Variants in CNTNAP2 observed in about 807,000 individuals in gnomAD.
CNTNAP2 encodes the protein contactin associated protein 2.
In CNTNAP2, 98 loss-of-function variants were observed where a neutral mutation model predicts 155.2. The observed-to-expected ratio is 0.63, with a 90% CI of 0.54 to 0.75. The LOEUF (loss-of-function observed/expected upper bound fraction) is 0.75. Among genes scored for constraint, CNTNAP2 ranks in the 30% least tolerant of loss-of-function variants. CNTNAP2 has a pLI of 0.00. For missense variants in CNTNAP2, 1,727 were observed against 1,688.1 expected (o/e 1.02, Z -0.40); for synonymous variants, 651 against 631.2 (o/e 1.03, Z -0.47).
At chr7:147,590,403 G>A (rs1800715194) in intron 12 of CNTNAP2, among the ~76,000 whole-genome samples, 1 of 152,090 alleles carries the variant, frequency 6.6e-6, no homozygotes, top group African/African-American at 2.4e-5. Context: ...GTGACAGTGA[G>A]TTCTCACAAG....
chr7:146,167,639 A>G (rs1306938157), intron 1 of CNTNAP2, among the ~76,000 whole-genome samples: 1 of 152,224 alleles, frequency 6.6e-6, no homozygotes, highest in Non-Finnish European at 1.5e-5. Flanking sequence ...TCAAAGATAC[A>G]AGGAATACTT....
At chr7:146,536,900 G>A (rs1156478433) in intron 1 of CNTNAP2, among the ~76,000 whole-genome samples, 1 of 151,958 alleles carries the variant, frequency 6.6e-6, no homozygotes, top group Admixed American at 6.6e-5. Flanking sequence ...TAGTTCAAAA[G>A]CATATTTTAA....
chr7:146,704,716 AT>A (rs1800934378), intron 1 of CNTNAP2, among the ~76,000 whole-genome samples: 1 of 152,190 alleles, frequency 6.6e-6, no homozygotes, highest in East Asian at 1.9e-4. Context: ...AATATTCTCC[AT>A]ATCCTACATA....
chr7:148,353,189 T>C (rs889007233), intron 21 of CNTNAP2, among the ~76,000 whole-genome samples: 4 of 152,148 alleles, frequency 2.6e-5, no homozygotes, highest in Non-Finnish European at 5.9e-5. Context: ...TTAAGGTAAT[T>C]TGTGGTTCCT....
intron 15 of CNTNAP2, among the ~76,000 whole-genome samples, chr7:148,080,980 A>G (rs141033843): frequency 1.1e-4 from 16 of 152,296 alleles, no homozygotes; most frequent in African/African-American, 3.6e-4. Context: ...AAGGAGACTC[A>G]AGGCATAGGT....
intron 1 of CNTNAP2, among the ~76,000 whole-genome samples, chr7:146,407,435 A>G (rs967259644): frequency 6.6e-6 from 1 of 152,230 alleles, no homozygotes; most frequent in Admixed American, 6.5e-5. Context: ...AACTCAAAAT[A>G]TAAATATCTT....
At chr7:147,489,379 C>T (rs764389029) in intron 11 of CNTNAP2, among the ~76,000 whole-genome samples, 2 of 150,946 alleles carry the variant, frequency 1.3e-5, no homozygotes, top group Admixed American at 1.3e-4. Context: ...CAGTTTTTGT[C>T]GTTTAAGAAC....
At chr7:146,548,264 G>A (rs999200581) in intron 1 of CNTNAP2, among the ~76,000 whole-genome samples, 2 of 151,866 alleles carry the variant, frequency 1.3e-5, no homozygotes, top group African/African-American at 2.4e-5. Context: ...AATGGCCAAC[G>A]TCTCCATCCA....
At chr7:148,053,577 T>G (rs1802933743) in intron 15 of CNTNAP2, among the ~76,000 whole-genome samples, 1 of 152,230 alleles carries the variant, frequency 6.6e-6, no homozygotes, top group Non-Finnish European at 1.5e-5. Flanking sequence ...AGATTTTTGT[T>G]TGTAGTACGA....
At chr7:148,296,151 T>C in intron 21 of CNTNAP2, among the ~76,000 whole-genome samples, 1 of 152,156 alleles carries the variant, frequency 6.6e-6, no homozygotes, top group East Asian at 1.9e-4. Context: ...AGGTATCTCT[T>C]CATGAAGCTT....
chr7:146,371,171 T>G (rs995018141), intron 1 of CNTNAP2, among the ~76,000 whole-genome samples: 1 of 151,970 alleles, frequency 6.6e-6, no homozygotes, highest in Non-Finnish European at 1.5e-5. Context: ...GCATCTGCTA[T>G]TTCATCTTTT....
At chr7:147,227,855 T>C (rs1180907388) in intron 8 of CNTNAP2, among the ~76,000 whole-genome samples, 1 of 152,030 alleles carries the variant, frequency 6.6e-6, no homozygotes, top group Admixed American at 6.6e-5. Context: ...ATTCCCAATA[T>C]AGAGATGATA....
intron 1 of CNTNAP2, among the ~76,000 whole-genome samples, chr7:146,619,089 G>A (rs1197184825): frequency 3.3e-5 from 5 of 149,748 alleles, no homozygotes; most frequent in African/African-American, 1.2e-4. Flanking sequence ...AAAAAAAAAA[G>A]TGAAATTTCT....
chr7:146,470,283 G>T (rs1425900417), intron 1 of CNTNAP2, among the ~76,000 whole-genome samples: 2 of 151,796 alleles, frequency 1.3e-5, no homozygotes, highest in African/African-American at 4.8e-5. Flanking sequence ...TCTTTATTTT[G>T]TTTTCTTTAC....
intron 1 of CNTNAP2, among the ~76,000 whole-genome samples, chr7:146,414,521 C>T (rs1795909667): frequency 6.6e-6 from 1 of 152,154 alleles, no homozygotes; most frequent in Admixed American, 6.5e-5. Flanking sequence ...TCAGGGGAGA[C>T]TATTTCTCCA....
chr7:147,280,533 C>T (rs1276061209), intron 8 of CNTNAP2, among the ~76,000 whole-genome samples: 1 of 151,692 alleles, frequency 6.6e-6, no homozygotes, highest in African/African-American at 2.4e-5. Context: ...ATTTGTAGTG[C>T]CCTTTGGGAA....
chr7:148,016,645 T>C (rs1802181586), intron 15 of CNTNAP2, among the ~76,000 whole-genome samples: 4 of 152,210 alleles, frequency 2.6e-5, no homozygotes, highest in Admixed American at 1.3e-4. Context: ...GTCAAAATGC[T>C]GGAAAATACA....
chr7:147,012,777 A>G (rs1798651614), intron 3 of CNTNAP2, among the ~76,000 whole-genome samples: 1 of 152,184 alleles, frequency 6.6e-6, no homozygotes, highest in Non-Finnish European at 1.5e-5. Context: ...ATTTGGATAT[A>G]AAACTGACTT....
At chr7:147,104,740 G>A (rs1460406585) in intron 4 of CNTNAP2, among the ~76,000 whole-genome samples, 1 of 149,858 alleles carries the variant, frequency 6.7e-6, no homozygotes, top group African/African-American at 2.4e-5. Flanking sequence ...ATTAAACCAT[G>A]CAATTTCCCT....
Sources: allele counts gnomAD v4.1 joint callset (sites outside exome capture counted in the v4.1 genomes callset), GRCh38; gene constraint gnomAD v4.1.1; transcripts MANE v1.5; gene names NCBI Gene and HGNC (gene_info 2026-07-23, HGNC 2026-07-21).